EXOC6B: variants seen among roughly 807,000 people sequenced by gnomAD.
EXOC6B encodes SEC15 homolog B.
EXOC6B carries 54 observed loss-of-function variants against 113.5 expected under a neutral mutation model. The observed-to-expected ratio is 0.48, with a 90% CI of 0.38 to 0.60. The LOEUF (loss-of-function observed/expected upper bound fraction) is 0.60, where lower values mean the gene tolerates loss of function less well. Among genes scored for constraint, EXOC6B ranks in the 20% least tolerant of loss-of-function variants. The pLI is 0.00. For missense variants in EXOC6B, 797 were observed against 977.5 expected (o/e 0.82, Z 2.46); for synonymous variants, 357 against 339.0 (o/e 1.05, Z -0.58).
intron 19 of EXOC6B, among the ~76,000 whole-genome samples, chr2:72,358,215 C>G (rs1234497606): frequency 6.6e-6 from 1 of 152,068 alleles, no homozygotes; most frequent in African/African-American, 2.4e-5. Flanking sequence ...CATGCATTAT[C>G]TCATTTAATA....
At chr2:72,306,713 C>G (rs968147966) in intron 20 of EXOC6B, among the ~76,000 whole-genome samples, 1 of 152,110 alleles carries the variant, frequency 6.6e-6, no homozygotes, top group African/African-American at 2.4e-5. Flanking sequence ...AAACTATTCT[C>G]CAAAACAACC....
At chr2:72,683,284 A>G (rs1379805526) in intron 6 of EXOC6B, among the ~76,000 whole-genome samples, 1 of 152,208 alleles carries the variant, frequency 6.6e-6, no homozygotes, top group African/African-American at 2.4e-5. Context: ...CACATAGCAG[A>G]TGCTCAAAAA....
At chr2:72,312,713 C>T (rs1028753488) in intron 20 of EXOC6B, among the ~76,000 whole-genome samples, 5 of 150,964 alleles carry the variant, frequency 3.3e-5, no homozygotes, top group African/African-American at 1.2e-4. Flanking sequence ...TGCGATCGCG[C>T]CATTGCACTC....
At position 72,323,662 on chromosome 2, in the gene EXOC6B, A is replaced by T. The variant is rs530704008; in HGVS notation, c.2196+11285T>A. On this transcript the variant is annotated intron_variant, in intron 20 of 21. Transcript: ENST00000272427. ...ATGGAATACTATATAGCCATAAAAAAGGATGAGTTCATGTCCTTTGCAGGG... is the reference window on the plus strand; with the variant it reads ...ATGGAATACTATATAGCCATAAAAATGGATGAGTTCATGTCCTTTGCAGGG... 4.0e-3 allele frequency among the ~76,000 whole-genome samples: 613 copies of T among 152,304 alleles called. 2 individuals carry two copies. The highest frequency in any genetic ancestry group is 0.014 in the African/African-American group (583 of 41,564).
At chr2:72,433,343 T>C (rs968118641) in intron 18 of EXOC6B, among the ~76,000 whole-genome samples, 1 of 152,222 alleles carries the variant, frequency 6.6e-6, no homozygotes, top group African/African-American at 2.4e-5. Flanking sequence ...GGTAGTGTGA[T>C]GCCTCCAGCT....
chr2:72,398,008 G>A (rs1214756489), intron 18 of EXOC6B, among the ~76,000 whole-genome samples: 5 of 152,188 alleles, frequency 3.3e-5, no homozygotes, highest in Non-Finnish European at 7.3e-5. Flanking sequence ...TTAATTTTAT[G>A]TGTCAAATTG....
rs998373236 is a variant in EXOC6B, at chr2:72,405,631, C to A, written c.1981-25761G>T. 2.6e-5 allele frequency among the ~76,000 whole-genome samples: 4 copies of A among 152,208 alleles called. No homozygotes were observed. In the South Asian group the frequency reaches 6.2e-4, roughly 24 times the overall value. On this transcript the variant is annotated intron_variant, in intron 18 of 21. Transcript: ENST00000272427. Reference sequence around the variant, plus strand: ...TTCATAAGTGAAGGAGAAATAAAATCCTTTACAGACAAGCAAATGCTGAAA... The same window carrying A: ...TTCATAAGTGAAGGAGAAATAAAATACTTTACAGACAAGCAAATGCTGAAA...
chr2:72,303,291 G>A (rs1033530429), intron 20 of EXOC6B, among the ~76,000 whole-genome samples: 2 of 152,200 alleles, frequency 1.3e-5, no homozygotes, highest in African/African-American at 4.8e-5. Context: ...TCCATAGTGA[G>A]GTTTGGGGAG....
intron 6 of EXOC6B, among the ~76,000 whole-genome samples, chr2:72,686,761 T>C (rs1677115586): frequency 6.6e-6 from 1 of 152,164 alleles, no homozygotes; most frequent in African/African-American, 2.4e-5. Context: ...GTACAATACA[T>C]ATAAATAGCA....
At chr2:72,229,059 GTCT>G (rs1681441907) in intron 20 of EXOC6B, among the ~76,000 whole-genome samples, 1 of 152,174 alleles carries the variant, frequency 6.6e-6, no homozygotes, top group Non-Finnish European at 1.5e-5. Flanking sequence ...CTGCATAAAT[GTCT>G]TCTTTTGAGA....
At chr2:72,304,430 T>A (rs1009736914) in intron 20 of EXOC6B, among the ~76,000 whole-genome samples, 2 of 152,210 alleles carry the variant, frequency 1.3e-5, no homozygotes, top group African/African-American at 4.8e-5. Flanking sequence ...TACTCTAATT[T>A]ATAGCTTCAC....
rs374717571 is a variant in EXOC6B, at chr2:72,641,484, C to G, written c.670-65816G>C. ...GCTAGTGCAGCAGTCTGAGATCAAC[C>G]TGCAAGGCAGCAACCTGGCAACGGG... On this transcript the variant is annotated intron_variant, in intron 6 of 21. Transcript: ENST00000272427. Among the ~76,000 whole-genome samples, 5 of 152,266 alleles carry G rather than the reference C, an allele frequency of 3.3e-5. No homozygotes were observed. The South Asian group carries it at 8.3e-4, about 25-fold the overall frequency.
chr2:72,785,722 T>C (rs927976976), intron 1 of EXOC6B, among the ~76,000 whole-genome samples: 1 of 152,182 alleles, frequency 6.6e-6, no homozygotes, highest in Non-Finnish European at 1.5e-5. Context: ...ACAAAACCAC[T>C]TTTTCCTCCT....
At chr2:72,391,843 C>A (rs914202028) in intron 18 of EXOC6B, among the ~76,000 whole-genome samples, 10 of 152,120 alleles carry the variant, frequency 6.6e-5, no homozygotes, top group Middle Eastern at 3.2e-3. Context: ...GAATTTAAGT[C>A]CAGCCTGAGC....
chr2:72,738,646 T>C (rs1010331913), intron 2 of EXOC6B, among the ~76,000 whole-genome samples: 10 of 152,208 alleles, frequency 6.6e-5, no homozygotes, highest in African/African-American at 2.4e-4. Context: ...GGATTACAAA[T>C]GTATAGACCA....
intron 20 of EXOC6B, among the ~76,000 whole-genome samples, chr2:72,312,226 C>T (rs1283702285): frequency 4.6e-5 from 7 of 151,906 alleles, no homozygotes; most frequent in East Asian, 1.9e-4. Context: ...ATGGTTGGTT[C>T]CATTACTGGC....
intron 6 of EXOC6B, among the ~76,000 whole-genome samples, chr2:72,700,811 C>T (rs1678268566): frequency 6.6e-6 from 1 of 152,090 alleles, no homozygotes; most frequent in Admixed American, 6.5e-5. Context: ...ATTAGCCAGG[C>T]ATGATGGAGG....
intron 6 of EXOC6B, among the ~76,000 whole-genome samples, chr2:72,710,560 C>T (rs1679207834): frequency 6.6e-6 from 1 of 152,134 alleles, no homozygotes; most frequent in Admixed American, 6.5e-5. Flanking sequence ...TCCAGGAACA[C>T]CAGACCAACT....
chr2:72,686,393 G>T (rs1050737472), intron 6 of EXOC6B, among the ~76,000 whole-genome samples: 1 of 152,076 alleles, frequency 6.6e-6, no homozygotes, highest in Non-Finnish European at 1.5e-5. Flanking sequence ...CAGTACCATG[G>T]GGTAGAGAAA....
Sources: gnomAD v4.1 joint callset for allele counts (sites outside exome capture counted in the v4.1 genomes callset) on GRCh38, gnomAD v4.1.1 for gene constraint, MANE v1.5 for transcripts, NCBI Gene and HGNC (gene_info 2026-07-23, HGNC 2026-07-21) for gene names.